KCNH7: variants seen among roughly 807,000 people sequenced by gnomAD.
The protein encoded by KCNH7 is voltage-gated inwardly rectifying potassium channel KCNH7.
KCNH7 carries 49 observed loss-of-function variants against 120.8 expected under a neutral mutation model. The ratio of observed to expected loss-of-function variants is 0.41; its 90% CI spans 0.32 to 0.51. The LOEUF is 0.51. Ranked by LOEUF, KCNH7 falls within the 20% of genes least tolerant of loss-of-function variation. The pLI is 0.38. For synonymous variants in KCNH7, 547 were observed against 516.1 expected (o/e 1.06, Z -0.81); for missense variants, 1,097 against 1,446.6 (o/e 0.76, Z 3.92).
intron 2 of KCNH7, among the ~76,000 whole-genome samples, chr2:162,832,244 T>G (rs1035804325): frequency 6.6e-6 from 1 of 152,144 alleles, no homozygotes; most frequent in African/African-American, 2.4e-5. Flanking sequence ...AAATATATTT[T>G]TGTTCTTGTC....
chr2:162,457,348 TAA>T (rs955774818), intron 6 of KCNH7, among the ~76,000 whole-genome samples: 1 of 151,926 alleles, frequency 6.6e-6, no homozygotes, highest in Non-Finnish European at 1.5e-5. Context: ...AAATAAGGAA[TAA>T]AAAAAGGGAA....
chr2:162,797,439 T>A (rs1045931576), intron 2 of KCNH7: 6 of 152,038 alleles, frequency 3.9e-5, no homozygotes, highest in African/African-American at 9.7e-5. Flanking sequence ...AATTCACATA[T>A]CTTTGGGAAC....
intron 3 of KCNH7, among the ~76,000 whole-genome samples, chr2:162,528,905 G>A (rs914033863): frequency 2.1e-4 from 32 of 152,020 alleles, no homozygotes; most frequent in African/African-American, 7.2e-4. Context: ...GCCTTTGGTT[G>A]GGAGAATAGA....
intron 6 of KCNH7, among the ~76,000 whole-genome samples, chr2:162,456,119 A>G (rs1040581575): frequency 6.6e-6 from 1 of 151,978 alleles, no homozygotes; most frequent in Non-Finnish European, 1.5e-5. Flanking sequence ...TGTGTCCCAG[A>G]GATTCTGGTA....
At chr2:162,467,317 T>C (rs902748659) in intron 6 of KCNH7, among the ~76,000 whole-genome samples, 1 of 152,214 alleles carries the variant, frequency 6.6e-6, no homozygotes, top group East Asian at 1.9e-4. Flanking sequence ...ATTTCTTGTT[T>C]AAATTTGATC....
intron 2 of KCNH7, among the ~76,000 whole-genome samples, chr2:162,740,212 G>T (rs1688073698): frequency 6.6e-6 from 1 of 152,186 alleles, no homozygotes; most frequent in Admixed American, 6.5e-5. Flanking sequence ...GTTGGAATAA[G>T]GTGGGGTGAA....
intron 8 of KCNH7, among the ~76,000 whole-genome samples, chr2:162,424,275 G>C (rs894946913): frequency 6.6e-6 from 1 of 152,082 alleles, no homozygotes; most frequent in Non-Finnish European, 1.5e-5. Flanking sequence ...GAGATCCCTT[G>C]CAACATAATC....
intron 2 of KCNH7, among the ~76,000 whole-genome samples, chr2:162,579,387 T>C (rs1386994723): frequency 6.6e-6 from 1 of 152,094 alleles, no homozygotes; most frequent in Non-Finnish European, 1.5e-5. Context: ...GCAGCACATC[T>C]TGGCTGATGG....
In KCNH7 at chr2:162,748,926, C is replaced by A. The variant is rs1343878862; in HGVS notation, c.307+87611G>T. On this transcript the variant is annotated intron_variant, in intron 2 of 15. Transcript: ENST00000332142. The stretch of plus-strand genomic sequence containing the variant: ...TCCTTCCTTCCTTCCCTTCCCTTTC[C>A]TTTCCTTCCTTCCTTCCTTCCTTCC... Among the ~76,000 whole-genome samples, 33 of 42,182 alleles carry A rather than the reference C, an allele frequency of 7.8e-4. 6 individuals are homozygous for A. The highest frequency in any genetic ancestry group is 6.9e-3 in the African/African-American group (32 of 4,658). 27.7% of individuals were successfully genotyped at this position (42,182 alleles called of 152,430 possible).
rs571948777 is a variant in KCNH7 at position 162,770,482 on chromosome 2, T to C, written c.307+66055A>G. On this transcript the variant is annotated intron_variant, in intron 2 of 15. Transcript: ENST00000332142. ...GTGTTCCAATATCTCTGCTTTCAGA[T>C]TGTACGCTTTGGGTCAAACGTCTAA... Among the ~76,000 whole-genome samples the C allele has an allele frequency of 5.1e-3, 778 of 152,058 alleles. 1 individual carries two copies. Among genetic ancestry groups the C allele is most frequent in the South Asian group, 0.013 (65 of 4,828 alleles).
intron 13 of KCNH7, among the ~76,000 whole-genome samples, chr2:162,380,428 C>T (rs933598954): frequency 2.6e-5 from 4 of 152,006 alleles, no homozygotes; most frequent in Non-Finnish European, 5.9e-5. Flanking sequence ...GGCTCTTTCC[C>T]ACAGGATAAC....
intron 2 of KCNH7, among the ~76,000 whole-genome samples, chr2:162,610,171 G>A (rs539025773): frequency 6.6e-6 from 1 of 152,278 alleles, no homozygotes; most frequent in Admixed American, 6.5e-5. Flanking sequence ...ACATCATATT[G>A]GGGCATTGTT....
chr2:162,568,216 C>G (rs1693327185), intron 2 of KCNH7, among the ~76,000 whole-genome samples: 1 of 150,598 alleles, frequency 6.6e-6, no homozygotes, highest in Non-Finnish European at 1.5e-5. Context: ...GGGGGAACCA[C>G]CCCCATGATT....
chr2:162,703,581 A>T (rs977338523), intron 2 of KCNH7, among the ~76,000 whole-genome samples: 2 of 152,172 alleles, frequency 1.3e-5, no homozygotes, highest in African/African-American at 4.8e-5. Context: ...ATTTCAAATG[A>T]CACATGTGCT....
Position 162,722,113 on chromosome 2 carries a change from C to T in KCNH7, c.307+114424G>A, listed in dbSNP as rs183845624. On this transcript the variant is annotated intron_variant, in intron 2 of 15. Transcript: ENST00000332142. ...CAATACCACTAAGGGAACATAAGCACACGGGATGAAAGAAACATATAGACA... is the reference window on the plus strand; with the variant it reads ...CAATACCACTAAGGGAACATAAGCATACGGGATGAAAGAAACATATAGACA... Among the ~76,000 whole-genome samples the T allele has an allele frequency of 3.3e-3, 508 of 151,974 alleles. 3 individuals are homozygous for T. The highest frequency in any genetic ancestry group is 5.0e-3 in the Non-Finnish European group (337 of 67,916).
intron 2 of KCNH7, among the ~76,000 whole-genome samples, chr2:162,779,031 T>C (rs1433783506): frequency 3.9e-5 from 6 of 152,070 alleles, no homozygotes; most frequent in African/African-American, 1.4e-4. Flanking sequence ...AAAAACTTTA[T>C]TGTAATTTTA....
intron 2 of KCNH7, among the ~76,000 whole-genome samples, chr2:162,621,844 T>C (rs932848788): frequency 6.6e-6 from 1 of 152,208 alleles, no homozygotes; most frequent in Non-Finnish European, 1.5e-5. Context: ...CATTTGTTAA[T>C]GATCTGTTTG....
At chr2:162,676,249 G>T (rs1338914821) in intron 2 of KCNH7, among the ~76,000 whole-genome samples, 1 of 151,502 alleles carries the variant, frequency 6.6e-6, no homozygotes, top group African/African-American at 2.4e-5. Flanking sequence ...TTACAGGAAA[G>T]CATGTTAGTA....
intron 2 of KCNH7, among the ~76,000 whole-genome samples, chr2:162,828,942 A>G (rs1685381902): frequency 6.6e-6 from 1 of 152,142 alleles, no homozygotes; most frequent in African/African-American, 2.4e-5. Flanking sequence ...AAGTTTGCAC[A>G]CAAGCAGGCC....
Sources: gnomAD v4.1 joint callset for allele counts (sites outside exome capture counted in the v4.1 genomes callset) on GRCh38, gnomAD v4.1.1 for gene constraint, MANE v1.5 for transcripts, NCBI Gene and HGNC (gene_info 2026-07-23, HGNC 2026-07-21) for gene names.